Variants in SETBP1 observed in about 807,000 individuals in gnomAD.
The protein encoded by SETBP1 is SET-binding protein.
Under a neutral mutation model 101.0 loss-of-function variants are expected in SETBP1, and 9 were observed. That is an observed-to-expected ratio of 0.09 (90% CI 0.05 to 0.16). The LOEUF is 0.16. Ranked by LOEUF, SETBP1 falls within the 10% of genes least tolerant of loss-of-function variation. The pLI, the probability that SETBP1 is intolerant of heterozygous loss-of-function variation, is 1.00. For synonymous variants in SETBP1, 818 were observed against 788.5 expected (o/e 1.04, Z -0.63); for missense variants, 1,858 against 2,033.8 (o/e 0.91, Z 1.66).
intron 3 of SETBP1, among the ~76,000 whole-genome samples, chr18:44,902,603 A>G (rs772856795): frequency 2.9e-4 from 44 of 152,290 alleles, no homozygotes; most frequent in Non-Finnish European, 5.0e-4. Context: ...TTGAAAGAAT[A>G]CCAGATTATT....
intron 4 of SETBP1, among the ~76,000 whole-genome samples, chr18:45,013,837 G>A (rs956632488): frequency 3.3e-5 from 5 of 152,126 alleles, no homozygotes; most frequent in African/African-American, 9.7e-5. Flanking sequence ...GACGGTTGTG[G>A]TTGACAGACA....
intron 4 of SETBP1, among the ~76,000 whole-genome samples, chr18:45,011,274 GC>G (rs1460860409): frequency 4.6e-5 from 7 of 152,104 alleles, no homozygotes; most frequent in African/African-American, 1.2e-4. Flanking sequence ...CCTGAGATGG[GC>G]CCCCCGATAA....
chr18:45,043,332 A>G (rs2073546050), intron 5 of SETBP1, among the ~76,000 whole-genome samples: 1 of 150,816 alleles, frequency 6.6e-6, no homozygotes, highest in Admixed American at 6.6e-5. Flanking sequence ...CAATAATGGG[A>G]AGACAAGTAT....
chr18:44,702,742 T>C lies in SETBP1; in HGVS notation c.486+910T>C, dbSNP rs2069139324. Reference sequence around the variant, plus strand: ...CCTGACTAAGGAAACCCAGTCTTTGTAGTAACTGAGACTCTCACAGAGCTG... The same window carrying C: ...CCTGACTAAGGAAACCCAGTCTTTGCAGTAACTGAGACTCTCACAGAGCTG... On this transcript the variant is annotated intron_variant, in intron 2 of 5. Transcript: ENST00000649279. 2.0e-5 allele frequency among the ~76,000 whole-genome samples: 3 copies of C among 152,180 alleles called. No individual in the cohort carries two copies. In the South Asian group the frequency reaches 6.2e-4, roughly 32 times the overall value.
chr18:44,863,583 G>A (rs921181377), intron 2 of SETBP1, among the ~76,000 whole-genome samples: 3 of 152,152 alleles, frequency 2.0e-5, no homozygotes, highest in Middle Eastern at 3.2e-3. Context: ...AACACTTTAC[G>A]AAATAAAGAG....
intron 3 of SETBP1, among the ~76,000 whole-genome samples, chr18:44,892,244 G>A (rs2069788398): frequency 6.6e-6 from 1 of 152,190 alleles, no homozygotes; most frequent in Admixed American, 6.5e-5. Context: ...CACTATGGAT[G>A]AGAAGTTGCA....
At chr18:44,943,851 T>C (rs1285847916) in intron 3 of SETBP1, among the ~76,000 whole-genome samples, 1 of 151,694 alleles carries the variant, frequency 6.6e-6, no homozygotes, top group Non-Finnish European at 1.5e-5. Context: ...TTTTTTTTTT[T>C]TGAGACAGAG....
At chr18:44,908,955 G>A (rs1162531701) in intron 3 of SETBP1, among the ~76,000 whole-genome samples, 1 of 152,016 alleles carries the variant, frequency 6.6e-6, no homozygotes, top group East Asian at 1.9e-4. Context: ...ATATATTTTT[G>A]CCATATTTAT....
chr18:44,954,016 T>G (rs2071426787), intron 4 of SETBP1, among the ~76,000 whole-genome samples: 1 of 152,242 alleles, frequency 6.6e-6, no homozygotes, highest in Admixed American at 6.5e-5. Flanking sequence ...AGGTGATATG[T>G]GCCTCCTGCT....
At chr18:44,779,030 G>A (rs2071068051) in intron 2 of SETBP1, among the ~76,000 whole-genome samples, 1 of 152,200 alleles carries the variant, frequency 6.6e-6, no homozygotes, top group South Asian at 2.1e-4. Context: ...GCAGCCTCTG[G>A]CCACCGCCGT....
In SETBP1 at chr18:44,847,182, G is replaced by T. The variant is rs188791014; in HGVS notation, c.487-22048G>T. Among the ~76,000 whole-genome samples, 123 of 152,316 alleles carry T rather than the reference G, an allele frequency of 8.1e-4. 1 individual carries two copies. The highest frequency in any genetic ancestry group is 1.3e-3 in the Non-Finnish European group (90 of 68,026). On this transcript the variant is annotated intron_variant, in intron 2 of 5. Transcript: ENST00000649279. ...TACAGTGATTAGAACATGGTTTAGG[G>T]CCAGTCTGCGTGCTCACCATAGGGT...
intron 2 of SETBP1, among the ~76,000 whole-genome samples, chr18:44,729,185 G>A (rs1186909226): frequency 3.9e-5 from 6 of 152,136 alleles, no homozygotes; most frequent in South Asian, 2.1e-4. Context: ...TTTGGACCCC[G>A]TGTCCTAGGA....
At chr18:44,867,294 T>C (rs1337738665) in intron 2 of SETBP1, among the ~76,000 whole-genome samples, 1 of 152,234 alleles carries the variant, frequency 6.6e-6, no homozygotes, top group East Asian at 1.9e-4. Flanking sequence ...ACTTAACAGA[T>C]GCAAATGGAG....
At chr18:44,890,080 G>A (rs758014105) in intron 3 of SETBP1, among the ~76,000 whole-genome samples, 17 of 151,930 alleles carry the variant, frequency 1.1e-4, no homozygotes, top group Non-Finnish European at 1.6e-4. Flanking sequence ...TCATTTTTTT[G>A]TGATGAGAAT....
At chr18:45,028,935 C>T (rs957848510) in intron 4 of SETBP1, among the ~76,000 whole-genome samples, 17 of 152,176 alleles carry the variant, frequency 1.1e-4, no homozygotes, top group Non-Finnish European at 2.1e-4. Flanking sequence ...GAGTAAGTTG[C>T]GAAAATTTTC....
At chr18:44,820,697 T>G (rs974938150) in intron 2 of SETBP1, among the ~76,000 whole-genome samples, 1 of 152,346 alleles carries the variant, frequency 6.6e-6, no homozygotes, top group East Asian at 1.9e-4. Flanking sequence ...AGGGTTGGAA[T>G]GATTCCAGTT....
intron 3 of SETBP1, among the ~76,000 whole-genome samples, chr18:44,916,976 C>G (rs1434765720): frequency 6.6e-6 from 1 of 152,222 alleles, no homozygotes; most frequent in East Asian, 1.9e-4. Context: ...TCCCAGACCT[C>G]ATCAGTGCAT....
intron 2 of SETBP1, among the ~76,000 whole-genome samples, chr18:44,868,083 A>G (rs1302668254): frequency 6.6e-6 from 1 of 152,230 alleles, no homozygotes; most frequent in Non-Finnish European, 1.5e-5. Flanking sequence ...TTATTTTGCT[A>G]GTTAATCATA....
intron 4 of SETBP1, among the ~76,000 whole-genome samples, chr18:44,967,398 A>T (rs1362481180): frequency 6.6e-6 from 1 of 152,228 alleles, no homozygotes; most frequent in Non-Finnish European, 1.5e-5. Flanking sequence ...CCCCAGCCAT[A>T]AAAATGCAGT....
Sources: allele counts gnomAD v4.1 joint callset (sites outside exome capture counted in the v4.1 genomes callset), GRCh38; gene constraint gnomAD v4.1.1; transcripts MANE v1.5; gene names NCBI Gene and HGNC (gene_info 2026-07-23, HGNC 2026-07-21).